LRRC45: variants seen among roughly 807,000 people sequenced by gnomAD.
LRRC45 encodes leucine rich repeat containing 45, also known as leucine-rich repeat-containing protein 45.
In LRRC45, 73 loss-of-function variants were observed where a neutral mutation model predicts 85.4. The ratio of observed to expected loss-of-function variants is 0.85; its 90% CI spans 0.71 to 1.04. LRRC45 has a LOEUF of 1.04. Among genes scored for constraint, LRRC45 ranks in the 50% least tolerant of loss-of-function variants. The probability of loss-of-function intolerance (pLI) is 0.00; values close to 1 mark genes in which losing one functional copy is unlikely to be tolerated. For missense variants in LRRC45, 937 were observed against 883.3 expected, an observed-to-expected ratio of 1.06 and a Z score of -0.77; for synonymous variants, 429 against 386.0, an observed-to-expected ratio of 1.11 and a Z score of -1.31.
rs1230777856 is a variant in LRRC45, at chr17:82,025,054, C to T, written c.408C>T (p.Phe136=). ...LGTWDDAFAT[F]CGGLAANGAL... is the part of the protein sequence containing the mutation. ...CGTGGGACGATGCCTTCGCCACCTT[C>T]TGCGGGGGCCTGGCGGCCAACGGCG... Residue 136 remains phenylalanine (F), a synonymous_variant, in exon 4 of 17, where the codon TTC becomes TTT. Transcript: ENST00000306688. The T allele has an allele frequency of 9.3e-6, 15 of 1,608,486 alleles. No individual in the cohort carries two copies. In the South Asian group the frequency reaches 1.7e-4, roughly 18 times the overall value.
intron 12 of LRRC45, 43 bp from the exon 13 acceptor site, chr17:82,029,050 G>A (rs1227221185): frequency 1.9e-6 from 3 of 1,561,072 alleles, no homozygotes; most frequent in South Asian, 1.1e-5. Flanking sequence ...AGGTAGGGAG[G>A]CCCGCTCTCC....
In LRRC45 at chr17:82,030,926, TTGCGGCGACTGTTGGTGGTGTCGCGGC is replaced by T. The variant is rs2043416055; in HGVS notation, c.*127_*153del. The T allele has an allele frequency of 8.1e-6, 6 of 744,632 alleles. No homozygotes were observed. The highest frequency in any genetic ancestry group is 9.3e-6 in the Non-Finnish European group (5 of 535,052). The allele number at this position is 744,632 out of a possible 1,614,324, so 46.1% of individuals were successfully genotyped here. A position where few individuals can be genotyped will look rare whatever the true frequency, so the allele number is the denominator to read the frequency against. ...CCGGGTCGTCTGTTCCACGCGGCGGTTGCGGCGACTGTTGGTGGTGTCGCGGCTGCGGGGGAACCCCGTGGGAGGCGC... is the reference window on the plus strand; with the variant it reads ...CCGGGTCGTCTGTTCCACGCGGCGGTTGCGGGGGAACCCCGTGGGAGGCGC... On this transcript the variant is annotated 3_prime_UTR_variant, in exon 17 of 17. Transcript: ENST00000306688.
At chr17:82,030,560 C>T in intron 16 of LRRC45, 49 bp from the exon 17 acceptor site, 1 of 1,476,344 alleles carries the variant, frequency 6.8e-7, no homozygotes, top group Non-Finnish European at 9.0e-7. Context: ...TGAGGCCGTG[C>T]CACGGTGCGC....
In LRRC45 at chr17:82,023,583, C is replaced by A; in HGVS notation, c.-61C>A. On this transcript the variant is annotated 5_prime_UTR_variant, in exon 1 of 17. Coordinates refer to ENST00000306688, the MANE Select transcript of LRRC45 (RefSeq NM_144999.4). ...CCGGCGCTGGGACTGCTCCGCACCG[C>A]GCGGCTCCCTTTCAGCAGCTGCGGG... 1 of 1,421,982 alleles carries A rather than the reference C, an allele frequency of 7.0e-7. No homozygotes were observed. The highest frequency in any genetic ancestry group is 9.3e-7 in the Non-Finnish European group (1 of 1,071,952). 88.1% of individuals were successfully genotyped at this position (1,421,982 alleles called of 1,614,324 possible). A position where few individuals can be genotyped will look rare whatever the true frequency, so the allele number is the denominator to read the frequency against.
chr17:82,026,762 T>C (rs1013301252), intron 5 of LRRC45, 137 bp from the exon 6 acceptor site: 224 of 609,380 alleles, frequency 3.7e-4, no homozygotes, highest in Non-Finnish European at 6.3e-4. Flanking sequence ...GTATTTTTAG[T>C]ACAGATGGGG....
rs566151353 is a variant in LRRC45 at position 82,023,395 on chromosome 17, C to T, written c.-249C>T. ...GGCAGGGCTGGGTGGGGGCGCGCGA[C>T]GCACCTGCCTGCTTCCTGCACGGGT... On this transcript the variant is annotated 5_prime_UTR_variant, in exon 1 of 17. In the 5' UTR this introduces an upstream ATG that the reference lacks. Transcript: ENST00000306688. 80 of 501,218 alleles carry T rather than the reference C, an allele frequency of 1.6e-4. No individual in the cohort carries two copies. Among genetic ancestry groups the T allele is most frequent in the African/African-American group, 1.2e-3 (61 of 48,998 alleles). The allele number at this position is 501,218 out of a possible 1,614,324, so 31.0% of individuals were successfully genotyped here. A position where few individuals can be genotyped will look rare whatever the true frequency, so the allele number is the denominator to read the frequency against.
intron 14 of LRRC45, 86 bp from the exon 15 acceptor site, chr17:82,029,979 G>A (rs1482768698): frequency 2.1e-6 from 3 of 1,417,236 alleles, no homozygotes; most frequent in Non-Finnish European, 2.8e-6. Context: ...GTCCTGCAGA[G>A]AGGTGGGGTC....
chr17:82,024,242 A>G (rs1215221620), intron 1 of LRRC45, 36 bp from the exon 2 acceptor site: 14 of 1,607,216 alleles, frequency 8.7e-6, no homozygotes, highest in Non-Finnish European at 1.2e-5. Context: ...TGGGGTCAGC[A>G]GGGGCAGAGA....
Position 82,029,526 on chromosome 17 carries a change from G to T in LRRC45, c.1402-17G>T, listed in dbSNP as rs968662631. On this transcript the variant is annotated splice_polypyrimidine_tract_variant and intron_variant, in intron 13 of 16. Coordinates refer to ENST00000306688, the MANE Select transcript of LRRC45 (RefSeq NM_144999.4). ...CCAGGGACAGGAGAACGGGCTGGCAGGTGGCCATCTGTGCAGGAGCTGAGC... is the reference window on the plus strand; with the variant it reads ...CCAGGGACAGGAGAACGGGCTGGCATGTGGCCATCTGTGCAGGAGCTGAGC... 1.9e-5 allele frequency: 30 copies of T among 1,557,234 alleles called. No homozygotes were observed. The highest frequency in any genetic ancestry group is 2.6e-5 in the Non-Finnish European group (30 of 1,151,948).
At chr17:82,025,572 G>C in intron 5 of LRRC45, 65 bp downstream of exon 5, 1 of 1,465,602 alleles carries the variant, frequency 6.8e-7, no homozygotes, top group East Asian at 2.5e-5. Context: ...ACCGAGGGCG[G>C]GGTGCCGGGC....
intron 13 of LRRC45, 145 bp from the exon 14 acceptor site, chr17:82,029,398 C>T (rs559970705): frequency 1.0e-6 from 1 of 997,542 alleles, no homozygotes; most frequent in Non-Finnish European, 1.5e-6. Flanking sequence ...CCTTGCCCAG[C>T]GAGCTAGGTG....
In LRRC45 at chr17:82,023,586, G is replaced by A. The variant is rs1167227918; in HGVS notation, c.-58G>A. On this transcript the variant is annotated 5_prime_UTR_variant, in exon 1 of 17. Transcript: ENST00000306688. ...GCGCTGGGACTGCTCCGCACCGCGC[G>A]GCTCCCTTTCAGCAGCTGCGGGAGC... The A allele has an allele frequency of 1.8e-5, 25 of 1,428,154 alleles. No individual in the cohort carries two copies. Among genetic ancestry groups the A allele is most frequent in the East Asian group, 2.5e-5 (1 of 39,992 alleles). 88.5% of individuals were successfully genotyped at this position (1,428,154 alleles called of 1,614,324 possible). A position where few individuals can be genotyped will look rare whatever the true frequency, so the allele number is the denominator to read the frequency against.
Position 82,030,681 on chromosome 17 carries a change from G to C in LRRC45, c.1889G>C (p.Arg630Pro). 1 of 1,477,190 alleles carries C rather than the reference G, an allele frequency of 6.8e-7. No individual in the cohort carries two copies. The highest frequency in any genetic ancestry group is 9.1e-7 in the Non-Finnish European group (1 of 1,104,442). The allele number at this position is 1,477,190 out of a possible 1,614,324, so 91.5% of individuals were successfully genotyped here. A position where few individuals can be genotyped will look rare whatever the true frequency, so the allele number is the denominator to read the frequency against. The change falls in exon 17 of 17, where the codon CGG becomes CCG. Residue 630 changes from arginine (R) to proline (P), a missense_variant. Coordinates refer to ENST00000306688, the MANE Select transcript of LRRC45 (RefSeq NM_144999.4). The stretch of plus-strand genomic sequence containing the variant: ...AACGCGTCTCTCCGGGAGAAGCTGC[G>C]GCTCCGGGAGGCGGAGATCGCCCGC... ...SENASLREKL[R>P]LREAEIARIR...
Position 82,025,046 on chromosome 17 carries a change from G to C in LRRC45, c.400G>C (p.Ala134Pro). ...CCTGGGCACGTGGGACGATGCCTTCGCCACCTTCTGCGGGGGCCTGGCGGC... is the reference window on the plus strand; with the variant it reads ...CCTGGGCACGTGGGACGATGCCTTCCCCACCTTCTGCGGGGGCCTGGCGGC... Reference protein sequence around the residue: ...NSLGTWDDAFATFCGGLAANG... With the variant: ...NSLGTWDDAFPTFCGGLAANG... The change falls in exon 4 of 17, where the codon GCC (alanine) becomes CCC (proline). Residue 134 changes from alanine (A) to proline (P), a missense_variant. Physicochemically the swap from Ala to Pro is conservative, Grantham distance 27. Transcript: ENST00000306688. 2 of 1,606,090 alleles carry C rather than the reference G, an allele frequency of 1.2e-6. No individual in the cohort carries two copies. The highest frequency in any genetic ancestry group is 1.7e-6 in the Non-Finnish European group (2 of 1,176,900).
rs1486722472 is a variant in LRRC45, at chr17:82,030,215, C to T, written c.1645C>T (p.Arg549Trp). The T allele has an allele frequency of 3.3e-6, 5 of 1,536,386 alleles. No homozygotes were observed. The highest frequency in any genetic ancestry group is 1.2e-5 in the South Asian group (1 of 83,182). ...GGGCCTGCAAGTTGAGGGCCTGCGGCGGCGCCTGGAAGAGCTGCAGCAGGT... is the reference window on the plus strand; with the variant it reads ...GGGCCTGCAAGTTGAGGGCCTGCGGTGGCGCCTGGAAGAGCTGCAGCAGGT... ...QLGLQVEGLR[R>W]RLEELQQELS... The change falls in exon 15 of 17, where the codon CGG becomes TGG. Residue 549 changes from arginine (R) to tryptophan (W), a missense_variant. By Grantham distance (101) the Arg-to-Trp change is moderately radical. Coordinates refer to ENST00000306688, the MANE Select transcript of LRRC45 (RefSeq NM_144999.4).
In LRRC45 at chr17:82,023,543, C is replaced by T; in HGVS notation, c.-101C>T. The T allele has an allele frequency of 2.7e-6, 3 of 1,097,584 alleles. No homozygotes were observed. Among genetic ancestry groups the T allele is most frequent in the Non-Finnish European group, 3.8e-6 (3 of 799,426 alleles). 68.0% of individuals were successfully genotyped at this position (1,097,584 alleles called of 1,614,324 possible). A position where few individuals can be genotyped will look rare whatever the true frequency, so the allele number is the denominator to read the frequency against. ...TGCTCTCCGCCCGGGTCGGCGGAGG[C>T]CCCGTCTCCTGTACCCGGCGCTGGG... On this transcript the variant is annotated 5_prime_UTR_variant, in exon 1 of 17. Coordinates refer to ENST00000306688, the MANE Select transcript of LRRC45 (RefSeq NM_144999.4).
chr17:82,029,032 T>G, intron 12 of LRRC45, 61 bp from the exon 13 acceptor site: 2 of 1,481,472 alleles, frequency 1.4e-6, no homozygotes, highest in African/African-American at 1.4e-5. Flanking sequence ...GGGGAGTCCG[T>G]GAGGAGAAGG....
In LRRC45 at chr17:82,023,850, G is replaced by A. The variant is rs866907221; in HGVS notation, c.207G>A (p.Met69Ile). The change falls in exon 1 of 17, where the codon ATG becomes ATA. Residue 69 changes from methionine (M) to isoleucine (I), a missense_variant. Met to Ile is a conservative substitution (Grantham distance 10, BLOSUM62 1). Transcript: ENST00000306688. ...LCTELVLSDC[M>I]LSEEGATLLL... ...CGGAGCTGGTCCTGAGTGACTGCAT[G>A]CTCAGCGAGGAAGGTGGGCAGGCGC... 2 of 1,560,478 alleles carry A rather than the reference G, an allele frequency of 1.3e-6. No homozygotes were observed. Among genetic ancestry groups the A allele is most frequent in the Non-Finnish European group, 8.7e-7 (1 of 1,154,594 alleles).
Position 82,025,391 on chromosome 17 carries a change from A to G in LRRC45, c.545A>G (p.Asn182Ser), listed in dbSNP as rs911660375. 5 of 1,588,502 alleles carry G rather than the reference A, an allele frequency of 3.1e-6. No homozygotes were observed. Among genetic ancestry groups the G allele is most frequent in the Non-Finnish European group, 4.3e-6 (5 of 1,166,614 alleles). ...GGTTTCCTTCCAGACCTGCGCTGGAATAACGTTGGCCTCCTGGGGGGCCGG... is the reference window on the plus strand; with the variant it reads ...GGTTTCCTTCCAGACCTGCGCTGGAGTAACGTTGGCCTCCTGGGGGGCCGG... ...TTLQQLDLRW[N>S]NVGLLGGRAL... Residue 182 changes from asparagine to serine, a missense_variant, in exon 5 of 17, where the codon AAT (asparagine) becomes AGT (serine). Physicochemically the swap from Asn to Ser is conservative, Grantham distance 46. Coordinates refer to ENST00000306688, the MANE Select transcript of LRRC45 (RefSeq NM_144999.4).
Sources: allele counts gnomAD v4.1 joint callset, GRCh38; gene constraint gnomAD v4.1.1; transcripts MANE v1.5; gene names NCBI Gene and HGNC (gene_info 2026-07-23, HGNC 2026-07-21).